Variants in FAM47E observed in about 807,000 individuals in gnomAD.
FAM47E encodes the protein protein FAM47E.
FAM47E carries 32 observed loss-of-function variants against 41.6 expected under a neutral mutation model. That is an observed-to-expected ratio of 0.77 (90% CI 0.58 to 1.03). FAM47E has a LOEUF of 1.03. Among genes scored for constraint, FAM47E ranks in the 50% least tolerant of loss-of-function variants. The pLI is 0.00. For synonymous variants in FAM47E, 184 were observed against 188.7 expected (o/e 0.98, Z 0.20); for missense variants, 424 against 485.4 (o/e 0.87, Z 1.19).
chr4:76,224,083 T>C (rs371238772), intron 2 of FAM47E, among the ~76,000 whole-genome samples: 6 of 152,362 alleles, frequency 3.9e-5, no homozygotes, highest in African/African-American at 1.4e-4. Context: ...TAAACCAGAA[T>C]GTGACGTGCA....
intron 5 of FAM47E, among the ~76,000 whole-genome samples, chr4:76,274,689 G>C (rs1242217421): frequency 6.6e-6 from 1 of 152,158 alleles, no homozygotes; most frequent in Non-Finnish European, 1.5e-5. Context: ...TGGATCTTTA[G>C]GTTTTCCAGG....
intron 1 of FAM47E, among the ~76,000 whole-genome samples, chr4:76,215,947 A>T (rs1046129669): frequency 6.6e-6 from 1 of 152,192 alleles, no homozygotes; most frequent in African/African-American, 2.4e-5. Context: ...TACTCAGTAG[A>T]TAACTGGAGC....
intron 3 of FAM47E, among the ~76,000 whole-genome samples, chr4:76,266,638 C>T (rs1249047633): frequency 6.6e-6 from 1 of 152,194 alleles, no homozygotes; most frequent in Non-Finnish European, 1.5e-5. Flanking sequence ...CAGTAGCTGA[C>T]ATAATCCTTT....
intron 3 of FAM47E, among the ~76,000 whole-genome samples, chr4:76,267,069 G>A (rs1560748096): frequency 1.3e-5 from 2 of 151,976 alleles, no homozygotes; most frequent in Non-Finnish European, 1.5e-5. Context: ...ATAATCACCC[G>A]GCATATGTTT....
chr4:76,219,253 C>T (rs1733266729), intron 2 of FAM47E, among the ~76,000 whole-genome samples: 1 of 152,232 alleles, frequency 6.6e-6, no homozygotes, highest in African/African-American at 2.4e-5. Flanking sequence ...GAGACAATGC[C>T]TCTGCCTGAA....
upstream of FAM47E, among the ~76,000 whole-genome samples, chr4:76,249,703 C>A (rs933947571): frequency 1.8e-4 from 28 of 151,920 alleles, no homozygotes; most frequent in African/African-American, 6.8e-4. Context: ...TCCTATCCTT[C>A]CCCCCAAGTT....
At chr4:76,258,467 G>C (rs1734276116) in intron 2 of FAM47E, among the ~76,000 whole-genome samples, 1 of 152,202 alleles carries the variant, frequency 6.6e-6, no homozygotes, top group East Asian at 1.9e-4. Flanking sequence ...TCATGCGAGG[G>C]AAAGTAGACA....
intron 1 of FAM47E, 76 bp from the exon 2 acceptor site, chr4:76,256,102 T>C: frequency 6.8e-7 from 1 of 1,461,704 alleles, no homozygotes. Flanking sequence ...TACCTCCTTC[T>C]CCCACCCAAG....
rs554904928 is a variant in FAM47E, at chr4:76,220,657, A to T, written c.81+2969A>T. On this transcript the variant is annotated intron_variant, in intron 2 of 7. Coordinates refer to the FAM47E transcript ENST00000510197. Reference sequence around the variant, plus strand: ...GAATGAAGTCCTGATACATGCTACTACAGTGCAGACTTCTTTTCTTTTCTT... The same window carrying T: ...GAATGAAGTCCTGATACATGCTACTTCAGTGCAGACTTCTTTTCTTTTCTT... 2.6e-5 allele frequency among the ~76,000 whole-genome samples: 4 copies of T among 152,300 alleles called. No individual in the cohort carries two copies. The South Asian group carries it at 8.3e-4, about 32-fold the overall frequency.
intron 5 of FAM47E, among the ~76,000 whole-genome samples, chr4:76,276,355 C>CTTTTTG (rs372327970): frequency 1.0e-5 from 1 of 97,844 alleles, no homozygotes; most frequent in Non-Finnish European, 2.4e-5. Context: ...GAGGGGGTTA[C>CTTTTTG]TTTTTTTTGT....
Position 76,268,710 on chromosome 4 carries a change from A to T in FAM47E, c.611A>T (p.Lys204Met). The change falls in exon 4 of 8, where the codon AAG (lysine) becomes ATG (methionine). Residue 204 changes from lysine to methionine, a missense_variant. Lys to Met is a moderately conservative substitution (Grantham distance 95). Transcript: ENST00000424749. ...GCAGGCCAATGGCTTTATGAAGAAA[A>T]GCCACATAAAATGGATTTGCTCCAT... is the stretch of plus-strand genomic sequence containing the variant. ...SNAGQWLYEEKPHKMDLLHEN... is the reference protein window; with the variant it reads ...SNAGQWLYEEMPHKMDLLHEN... 1 of 1,551,542 alleles carries T rather than the reference A, an allele frequency of 6.4e-7. No homozygotes were observed. Among genetic ancestry groups the T allele is most frequent in the Middle Eastern group, 1.7e-4 (1 of 5,990 alleles).
At chr4:76,224,326 G>C (rs1002480030) in intron 2 of FAM47E, among the ~76,000 whole-genome samples, 3 of 152,146 alleles carry the variant, frequency 2.0e-5, no homozygotes, top group African/African-American at 7.2e-5. Flanking sequence ...TATGACAGGA[G>C]GTAGTTTTGC....
At chr4:76,251,878 T>A (rs1304900554) in intron 1 of FAM47E, 58 bp downstream of exon 1, 4 of 1,359,700 alleles carry the variant, frequency 2.9e-6, no homozygotes, top group Non-Finnish European at 3.8e-6. Context: ...CGGGGGCGCC[T>A]GGAGACCCGC....
intron 2 of FAM47E, among the ~76,000 whole-genome samples, chr4:76,227,077 G>A (rs902544170): frequency 2.6e-5 from 4 of 151,718 alleles, no homozygotes; most frequent in African/African-American, 4.8e-5. Flanking sequence ...GTTTGGGTTT[G>A]GTTTGTTCTT....
intron 2 of FAM47E, among the ~76,000 whole-genome samples, chr4:76,221,609 C>T (rs899445753): frequency 1.4e-4 from 22 of 152,140 alleles, no homozygotes; most frequent in African/African-American, 4.1e-4. Context: ...CATGAGCCAC[C>T]GCACCCGGCC....
chr4:76,249,875 T>C (rs1263617276), upstream of FAM47E, among the ~76,000 whole-genome samples: 1 of 152,140 alleles, frequency 6.6e-6, no homozygotes, highest in South Asian at 2.1e-4. Context: ...ATTATTTCAT[T>C]CCTTTTTATG....
intron 2 of FAM47E, among the ~76,000 whole-genome samples, chr4:76,232,669 A>G (rs1379671822): frequency 6.6e-6 from 1 of 152,194 alleles, no homozygotes; most frequent in Non-Finnish European, 1.5e-5. Flanking sequence ...CATCATTATG[A>G]CAATTTCATT....
Position 76,268,692 on chromosome 4 carries a change from A to C in FAM47E, c.593A>C (p.Gln198Pro). 1 of 1,551,514 alleles carries C rather than the reference A, an allele frequency of 6.4e-7. No homozygotes were observed. Among genetic ancestry groups the C allele is most frequent in the Non-Finnish European group, 8.7e-7 (1 of 1,146,914 alleles). ...AAGACGTCTGTGTCAAACGCAGGCCAATGGCTTTATGAAGAAAAGCCACAT... is the reference window on the plus strand; with the variant it reads ...AAGACGTCTGTGTCAAACGCAGGCCCATGGCTTTATGAAGAAAAGCCACAT... ...SKKTSVSNAG[Q>P]WLYEEKPHKM... Residue 198 changes from glutamine (Q) to proline (P), a missense_variant, in exon 4 of 8, where the codon CAA (glutamine) becomes CCA (proline). Gln to Pro is a moderately conservative substitution (Grantham distance 76). Coordinates refer to ENST00000424749, the MANE Select transcript of FAM47E (RefSeq NM_001136570.3).
intron 4 of FAM47E, chr4:76,269,150 C>T (rs1003416704): frequency 4.7e-5 from 9 of 192,702 alleles, no homozygotes; most frequent in Non-Finnish European, 9.4e-5. Context: ...CTGGCAGGTA[C>T]TCCTTGATTA....
Sources: gnomAD v4.1 joint callset for allele counts (sites outside exome capture counted in the v4.1 genomes callset) on GRCh38, gnomAD v4.1.1 for gene constraint, MANE v1.5 for transcripts, NCBI Gene and HGNC (gene_info 2026-07-23, HGNC 2026-07-21) for gene names.